Variants in DYNC2I1 observed in about 807,000 individuals in gnomAD.
The protein encoded by DYNC2I1 is dynein 2 intermediate chain 1.
In DYNC2I1, 89 loss-of-function variants were observed where a neutral mutation model predicts 133.4. The observed-to-expected ratio is 0.67, with a 90% CI of 0.56 to 0.80. The LOEUF (loss-of-function observed/expected upper bound fraction) is 0.80, where lower values mean the gene tolerates loss of function less well. Among genes scored for constraint, DYNC2I1 ranks in the 30% least tolerant of loss-of-function variants. The pLI is 0.00. For synonymous variants in DYNC2I1, 504 were observed against 484.3 expected, an observed-to-expected ratio of 1.04 and a Z score of -0.54; for missense variants, 1,291 against 1,314.5, an observed-to-expected ratio of 0.98 and a Z score of 0.28.
chr7:158,893,565 G>C (rs934974263), intron 8 of DYNC2I1, among the ~76,000 whole-genome samples: 3 of 152,178 alleles, frequency 2.0e-5, no homozygotes, highest in African/African-American at 2.4e-5. Context: ...AGTATTGGTT[G>C]TTCAGCCTCT....
the DYNC2I1 span, among the ~76,000 whole-genome samples, chr7:158,841,142 A>C: frequency 7.6e-6 from 1 of 132,414 alleles, no homozygotes; most frequent in African/African-American, 2.9e-5. Context: ...CATGTACCAT[A>C]GATTGTAGGT....
Position 158,879,877 on chromosome 7 carries a change from A to G in DYNC2I1, c.767A>G (p.His256Arg), listed in dbSNP as rs1198302532. 7.4e-6 allele frequency: 12 copies of G among 1,613,790 alleles called. No individual in the cohort carries two copies. Among genetic ancestry groups the G allele is most frequent in the Non-Finnish European group, 1.0e-5 (12 of 1,179,880 alleles). The change falls in exon 5 of 25, where the codon CAT (histidine) becomes CGT (arginine). Residue 256 changes from histidine (H) to arginine (R), a missense_variant. His to Arg is a conservative substitution (Grantham distance 29). Coordinates refer to ENST00000407559, the MANE Select transcript of DYNC2I1 (RefSeq NM_018051.5). ...NSFSDKGEERHKEKRHKEGFH... is the reference protein window; with the variant it reads ...NSFSDKGEERRKEKRHKEGFH... ...TTCTCTGACAAAGGGGAAGAAAGAC[A>G]TAAAGAAAAGCGACACAAAGAAGGT...
chr7:158,945,896 A>G lies in DYNC2I1; in HGVS notation c.*117A>G. 1 of 969,614 alleles carries G rather than the reference A, an allele frequency of 1.0e-6. No homozygotes were observed. 60.1% of individuals were successfully genotyped at this position (969,614 alleles called of 1,614,324 possible). A position where few individuals can be genotyped will look rare whatever the true frequency, so the allele number is the denominator to read the frequency against. On this transcript the variant is annotated 3_prime_UTR_variant, in exon 25 of 25. Coordinates refer to ENST00000407559, the MANE Select transcript of DYNC2I1 (RefSeq NM_018051.5). The surrounding 1 kb of genome is among the most constrained non-coding windows in gnomAD (Gnocchi z 4.1). ...TGTATATAGACTATGTATATTCTGTATATAATTTATTTTACATGAATATGT... is the reference window on the plus strand; with the variant it reads ...TGTATATAGACTATGTATATTCTGTGTATAATTTATTTTACATGAATATGT...
At chr7:158,883,550 G>A (rs977905920) in intron 5 of DYNC2I1, among the ~76,000 whole-genome samples, 1 of 150,812 alleles carries the variant, frequency 6.6e-6, no homozygotes, top group African/African-American at 2.4e-5. Context: ...ATTTTAATTA[G>A]AATGATATAA....
chr7:158,934,476 C>G lies in DYNC2I1; in HGVS notation c.2705C>G (p.Pro902Arg), dbSNP rs1850552855. The G allele has an allele frequency of 6.3e-7, 1 of 1,587,544 alleles. No homozygotes were observed. The highest frequency in any genetic ancestry group is 1.8e-5 in the Admixed American group (1 of 55,740). ...DLRVAPKLFKPQQHGIRPVKV... is the reference protein window; with the variant it reads ...DLRVAPKLFKRQQHGIRPVKV... Reference sequence around the variant, plus strand: ...AGAGTGGCTCCCAAACTATTCAAACCTCAGCAACATGGTATAAGACCAGTG... The same window carrying G: ...AGAGTGGCTCCCAAACTATTCAAACGTCAGCAACATGGTATAAGACCAGTG... Residue 902 changes from proline to arginine, a missense_variant, in exon 23 of 25, where the codon CCT becomes CGT. Coordinates refer to ENST00000407559, the MANE Select transcript of DYNC2I1 (RefSeq NM_018051.5).
Position 158,902,340 on chromosome 7 carries a change from T to C in DYNC2I1, c.1138-36T>C, listed in dbSNP as rs181249744. ...TGAGGGATAATTGAAAGTCAGTTTGTCTTAAAGGGTTCCAAAAGATTATTA... is the reference window on the plus strand; with the variant it reads ...TGAGGGATAATTGAAAGTCAGTTTGCCTTAAAGGGTTCCAAAAGATTATTA... On this transcript the variant is annotated intron_variant, in intron 9 of 24. Transcript: ENST00000407559. 239 of 1,578,866 alleles carry C rather than the reference T, an allele frequency of 1.5e-4. No individual in the cohort carries two copies. The African/African-American group carries it at 2.9e-3, about 19-fold the overall frequency.
chr7:158,917,319 A>T (rs1359851036), intron 14 of DYNC2I1, among the ~76,000 whole-genome samples: 2 of 151,702 alleles, frequency 1.3e-5, no homozygotes, highest in East Asian at 3.9e-4. Flanking sequence ...AGACGTCACT[A>T]AACACCCCCT....
In DYNC2I1 at chr7:158,934,444, A is replaced by G. The variant is rs1850549748; in HGVS notation, c.2673A>G (p.Gln891=). 2.5e-6 allele frequency: 4 copies of G among 1,600,620 alleles called. No individual in the cohort carries two copies. The highest frequency in any genetic ancestry group is 3.4e-6 in the Non-Finnish European group (4 of 1,173,152). ...GTCTCATAAGCCATGGCACAAGACA[A>G]GATTTGAGAGTGGCTCCCAAACTAT... ...DMGLISHGTR[Q]DLRVAPKLFK... The change falls in exon 23 of 25, where the codon CAA becomes CAG. Residue 891 remains glutamine, a synonymous_variant. Coordinates refer to ENST00000407559, the MANE Select transcript of DYNC2I1 (RefSeq NM_018051.5).
chr7:158,904,606 C>T (rs543449079), intron 10 of DYNC2I1: 12 of 152,516 alleles, frequency 7.9e-5, no homozygotes, highest in Admixed American at 5.2e-4. Context: ...TAACTTTAAA[C>T]GTTTTCTCAT....
intron 1 of DYNC2I1, among the ~76,000 whole-genome samples, chr7:158,867,680 GCT>G (rs1842528242): frequency 1.3e-5 from 2 of 152,132 alleles, no homozygotes; most frequent in African/African-American, 4.8e-5. Flanking sequence ...CAGTCCTCAC[GCT>G]CTCTGAAGGT....
intron 18 of DYNC2I1, 37 bp downstream of exon 18, chr7:158,926,337 A>G (rs201047577): frequency 3.1e-6 from 5 of 1,602,300 alleles, no homozygotes; most frequent in East Asian, 4.5e-5. Flanking sequence ...TCCTTCATCA[A>G]TGGTTGTGAA....
Position 158,891,329 on chromosome 7 carries a change from C to T in DYNC2I1, c.1055C>T (p.Thr352Ile), listed in dbSNP as rs902794954. 2.5e-6 allele frequency: 4 copies of T among 1,614,042 alleles called. No homozygotes were observed. The highest frequency in any genetic ancestry group is 2.5e-6 in the Non-Finnish European group (3 of 1,179,898). The part of the protein sequence containing the change: ...KLDQRPGGEE[T>I]VEIEKEETDL... ...GACCAGAGGCCGGGAGGCGAGGAAA[C>T]CGTGGTAAGGAGAGTACGTCTTCTT... Residue 352 changes from threonine (T) to isoleucine (I), a missense_variant, in exon 8 of 25, where the codon ACC becomes ATC. Thr to Ile is a moderately conservative substitution (Grantham distance 89). Transcript: ENST00000407559.
At chr7:158,894,234 C>T (rs1261171787) in intron 8 of DYNC2I1, among the ~76,000 whole-genome samples, 4 of 151,816 alleles carry the variant, frequency 2.6e-5, no homozygotes, top group Admixed American at 1.3e-4. Context: ...TACCACATAT[C>T]GTACTGCATG....
At chr7:158,864,475 T>C (rs545612733) in intron 1 of DYNC2I1, among the ~76,000 whole-genome samples, 159 of 152,256 alleles carry the variant, frequency 1.0e-3, no homozygotes, top group Non-Finnish European at 1.5e-3. Context: ...AAACATGTTA[T>C]AAGCAGAAAT....
intron 8 of DYNC2I1, among the ~76,000 whole-genome samples, chr7:158,894,132 A>ACTGCATATCATACCGCATATCT (rs1554455812): frequency 6.6e-6 from 1 of 150,954 alleles, no homozygotes; most frequent in Non-Finnish European, 1.5e-5. Flanking sequence ...ACCGCATATC[A>ACTGCATATCATACCGCATATCT]TACCGCATAT....
At chr7:158,856,182 A>C (rs1011835639), upstream of DYNC2I1, among the ~76,000 whole-genome samples, 1 of 151,174 alleles carries the variant, frequency 6.6e-6, no homozygotes, top group Admixed American at 6.6e-5. Context: ...TCCTGACCTC[A>C]TGATCCACCC....
At chr7:158,932,951 G>T (rs1257149928) in intron 21 of DYNC2I1, among the ~76,000 whole-genome samples, 1 of 152,226 alleles carries the variant, frequency 6.6e-6, no homozygotes, top group Non-Finnish European at 1.5e-5. Context: ...AGCAGGGAGG[G>T]TTGGGAGCAG....
At chr7:158,847,144 A>G in the DYNC2I1 span, among the ~76,000 whole-genome samples, 1 of 152,216 alleles carries the variant, frequency 6.6e-6, no homozygotes, top group African/African-American at 2.4e-5. Context: ...TTAATTTGGT[A>G]AATTTAATCT....
At chr7:158,923,823 A>C (rs1315135721) in intron 17 of DYNC2I1, 90 bp downstream of exon 17, 12 of 1,508,334 alleles carry the variant, frequency 8.0e-6, no homozygotes, top group Non-Finnish European at 5.3e-6. Flanking sequence ...GCATTTATTT[A>C]TTCACATTAT....
Sources: gnomAD v4.1 joint callset for allele counts (sites outside exome capture counted in the v4.1 genomes callset) on GRCh38, gnomAD v4.1.1 for gene constraint, Gnocchi (gnomAD v3.1) non-coding constraint, MANE v1.5 for transcripts, NCBI Gene and HGNC (gene_info 2026-07-23, HGNC 2026-07-21) for gene names.